The following HDAC5 variants were observed in gnomAD, a reference collection of about 807,000 sequenced individuals.
HDAC5 encodes the protein antigen NY-CO-9.
HDAC5 carries 25 observed loss-of-function variants against 133.3 expected under a neutral mutation model. The ratio of observed to expected loss-of-function variants is 0.19; its 90% CI spans 0.14 to 0.26. HDAC5 has a LOEUF of 0.26. Among genes scored for constraint, HDAC5 ranks in the 10% least tolerant of loss-of-function variants. HDAC5 has a pLI of 1.00. For synonymous variants in HDAC5, 589 were observed against 610.8 expected, an observed-to-expected ratio of 0.96 and a Z score of 0.53; for missense variants, 1,041 against 1,460.5, an observed-to-expected ratio of 0.71 and a Z score of 4.68.
intron 3 of HDAC5, 70 bp downstream of exon 3, chr17:44,110,659 G>A: frequency 4.0e-6 from 5 of 1,254,478 alleles, no homozygotes; most frequent in Non-Finnish European, 5.8e-6. Flanking sequence ...CAAGGCTCAG[G>A]GCCAGATGCT....
rs929335531 is a variant in HDAC5 at position 44,082,632 on chromosome 17, G to C, written c.2560C>G (p.Leu854Val). 2.2e-5 allele frequency: 36 copies of C among 1,614,194 alleles called. No individual in the cohort carries two copies. The highest frequency in any genetic ancestry group is 2.9e-5 in the Non-Finnish European group (34 of 1,180,010). ...CCCACGTTCAACTTCTGCTGTAGGA[G>C]TTTTGCGGTGATGGCTACAGAGTTG... ...FFNSVAITAK[L>V]LQQKLNVGKV... Residue 854 changes from leucine to valine, a missense_variant, in exon 20 of 27, where the codon CTC (leucine) becomes GTC (valine). Transcript: ENST00000682912.
Position 44,117,855 on chromosome 17 carries a change from T to G in HDAC5, c.-189-151A>C, listed in dbSNP as rs2052742659. Among the ~76,000 whole-genome samples, 1 of 152,154 alleles carries G rather than the reference T, an allele frequency of 6.6e-6. No homozygotes were observed. Among genetic ancestry groups the G allele is most frequent in the Admixed American group, 6.5e-5 (1 of 15,282 alleles). On this transcript the variant is annotated intron_variant, in intron 1 of 26. Transcript: ENST00000682912. The surrounding 1 kb of genome is among the most constrained non-coding windows in gnomAD (Gnocchi z 4.2). ...CACAGGAGAAATCTGCAGAACTGGA[T>G]AGACCCTGGTTTCTTATCTTACTAA...
intron 2 of HDAC5, chr17:44,115,914 A>T (rs2052618093): frequency 6.6e-6 from 1 of 152,164 alleles, no homozygotes; most frequent in African/African-American, 2.4e-5. Flanking sequence ...GCGTTGGTGG[A>T]CACGTCCAGC....
chr17:44,080,997 G>A (rs1057083694), intron 20 of HDAC5, 115 bp from the exon 21 acceptor site: 3 of 1,416,390 alleles, frequency 2.1e-6, no homozygotes, highest in Admixed American at 3.7e-5. Flanking sequence ...ATTTTGGGAG[G>A]CTGAGGGCTG....
chr17:44,105,375 G>C (rs2051867886), intron 3 of HDAC5, among the ~76,000 whole-genome samples: 1 of 152,230 alleles, frequency 6.6e-6, no homozygotes, highest in South Asian at 2.1e-4. Context: ...AGAGTTAGTA[G>C]TCGATCCTGG....
Position 44,123,580 on chromosome 17 carries a change from A to ACGGCTCCTCCATCTTTGCGG in HDAC5, c.-286_-267dup. 1 of 399,900 alleles carries ACGGCTCCTCCATCTTTGCGG rather than the reference A, an allele frequency of 2.5e-6. No homozygotes were observed. Among genetic ancestry groups the ACGGCTCCTCCATCTTTGCGG allele is most frequent in the Non-Finnish European group, 4.4e-6 (1 of 227,712 alleles). 24.8% of individuals were successfully genotyped at this position (399,900 alleles called of 1,614,324 possible). A position where few individuals can be genotyped will look rare whatever the true frequency, so the allele number is the denominator to read the frequency against. On this transcript the variant is annotated 5_prime_UTR_variant, in exon 1 of 27. The change creates a new upstream start codon in the 5' untranslated region. Coordinates refer to ENST00000682912, the MANE Select transcript of HDAC5 (RefSeq NM_005474.5). Reference sequence around the variant, plus strand: ...CGGCAGCGGCGGCAGCACCTCCTCGACGGCTCCTCCATCTTTGCGGCGGCT... The same window carrying ACGGCTCCTCCATCTTTGCGG: ...CGGCAGCGGCGGCAGCACCTCCTCGACGGCTCCTCCATCTTTGCGGCGGCTCCTCCATCTTTGCGGCGGCT...
At chr17:44,078,730 C>A in intron 25 of HDAC5, 65 bp from the exon 26 acceptor site, 16 of 1,610,680 alleles carry the variant, frequency 9.9e-6, no homozygotes, top group Non-Finnish European at 1.3e-5. Flanking sequence ...CAGTCCCAGT[C>A]CTGGTGCTCC....
chr17:44,101,076 A>T (rs1021206502), intron 3 of HDAC5, among the ~76,000 whole-genome samples: 2 of 147,926 alleles, frequency 1.4e-5, no homozygotes, highest in African/African-American at 4.9e-5. Flanking sequence ...GGCGTGAGCC[A>T]CTGCGCCTGG....
At chr17:44,086,881 C>T (rs2050677694) in intron 13 of HDAC5, 144 bp from the exon 14 acceptor site, 2 of 487,008 alleles carry the variant, frequency 4.1e-6, no homozygotes, top group Non-Finnish European at 6.5e-6. Context: ...CTTGCTCCCT[C>T]CAGGGACAGG....
intron 1 of HDAC5, among the ~76,000 whole-genome samples, chr17:44,121,106 A>G (rs1218789284): frequency 2.7e-5 from 4 of 150,696 alleles, no homozygotes; most frequent in African/African-American, 7.3e-5. Context: ...TTCTAGAAAA[A>G]AAAAAAAAAA....
At chr17:44,080,025 C>T in intron 23 of HDAC5, 82 bp downstream of exon 23, 1 of 979,328 alleles carries the variant, frequency 1.0e-6, no homozygotes, top group Non-Finnish European at 1.6e-6. Flanking sequence ...GCTGCAATAT[C>T]AGTCTGTTCC....
chr17:44,105,825 G>A (rs1714219953), intron 3 of HDAC5, among the ~76,000 whole-genome samples: 1 of 152,176 alleles, frequency 6.6e-6, no homozygotes, highest in Admixed American at 6.5e-5. Context: ...ACATCTACTG[G>A]CTGACTGCTG....
At position 44,115,487 on chromosome 17, in the gene HDAC5, G is replaced by A. The variant is rs569890187; in HGVS notation, c.22+2007C>T. On this transcript the variant is annotated intron_variant, in intron 2 of 26. Transcript: ENST00000682912. ...TGTGGTTTCCAGGCTTCTGCCAGGC[G>A]CTGGGCACCCCAGCCCTAGCCCAGA... 4.5e-4 allele frequency among the ~76,000 whole-genome samples: 69 copies of A among 152,306 alleles called. No homozygotes were observed. The East Asian group carries it at 4.6e-3, about 10-fold the overall frequency.
chr17:44,096,790 A>C (rs2051302100), intron 3 of HDAC5, among the ~76,000 whole-genome samples: 2 of 122,120 alleles, frequency 1.6e-5, no homozygotes, highest in Non-Finnish European at 3.4e-5. Context: ...TTTTAGATGG[A>C]GTCTCACTGC....
chr17:44,105,933 C>T (rs1196132152), intron 3 of HDAC5, among the ~76,000 whole-genome samples: 1 of 152,178 alleles, frequency 6.6e-6, no homozygotes, highest in Non-Finnish European at 1.5e-5. Flanking sequence ...TCACTGGTTC[C>T]TGGGCTGCCC....
At position 44,088,580 on chromosome 17, in the gene HDAC5, G is replaced by T; in HGVS notation, c.1406C>A (p.Ser469Tyr). Residue 469 changes from serine (S) to tyrosine (Y), a missense_variant, in exon 12 of 27, where the codon TCC becomes TAC. By Grantham distance (144) the Ser-to-Tyr change is moderately radical. Coordinates refer to ENST00000682912, the MANE Select transcript of HDAC5 (RefSeq NM_005474.5). ...CACACGTTCACCCGTCACTAGTGGG[G>T]ACTGCCCGTGGAGTGGCACTACGGA... ...TLIAVPLHGQ[S>Y]PLVTGERVAT... 1 of 1,613,174 alleles carries T rather than the reference G, an allele frequency of 6.2e-7. No individual in the cohort carries two copies. Among genetic ancestry groups the T allele is most frequent in the Non-Finnish European group, 8.5e-7 (1 of 1,179,794 alleles).
chr17:44,102,602 G>A (rs1030188261), intron 3 of HDAC5, among the ~76,000 whole-genome samples: 1 of 151,120 alleles, frequency 6.6e-6, no homozygotes, highest in African/African-American at 2.4e-5. Context: ...CTCGTGATCC[G>A]CCTGCCTCGG....
At chr17:44,081,010 A>G in intron 20 of HDAC5, 128 bp from the exon 21 acceptor site, 1 of 1,291,176 alleles carries the variant, frequency 7.7e-7, no homozygotes, top group South Asian at 1.3e-5. Context: ...GAGGGCTGGG[A>G]GGATCGCTTG....
intron 3 of HDAC5, among the ~76,000 whole-genome samples, chr17:44,100,705 C>T (rs1241599662): frequency 6.7e-6 from 1 of 149,776 alleles, no homozygotes; most frequent in African/African-American, 2.4e-5. Flanking sequence ...GAGCTGAGAT[C>T]GCGCCATTGC....
Sources: allele counts gnomAD v4.1 joint callset (sites outside exome capture counted in the v4.1 genomes callset), GRCh38; gene constraint gnomAD v4.1.1; non-coding constraint Gnocchi (gnomAD v3.1); transcripts MANE v1.5; gene names NCBI Gene and HGNC (gene_info 2026-07-23, HGNC 2026-07-21).